COL6A3: variants seen among roughly 807,000 people sequenced by gnomAD.
COL6A3 encodes the protein collagen alpha-3(VI) chain.
In COL6A3, 137 loss-of-function variants were observed where a neutral mutation model predicts 274.1. The observed-to-expected ratio is 0.50, with a 90% CI of 0.44 to 0.58. The LOEUF (loss-of-function observed/expected upper bound fraction) is 0.58, where lower values mean the gene tolerates loss of function less well. Among genes scored for constraint, COL6A3 ranks in the 20% least tolerant of loss-of-function variants. COL6A3 has a pLI of 0.00. For missense variants in COL6A3, 3,950 were observed against 4,124.9 expected, an observed-to-expected ratio of 0.96 and a Z score of 1.16; for synonymous variants, 1,650 against 1,650.6, an observed-to-expected ratio of 1.00 and a Z score of 0.01.
In COL6A3 at chr2:237,384,945, C is replaced by A. The variant is rs140734589; in HGVS notation, c.1312+2637G>T. ...CCAGCTACACTGCCTTCTGACAGTTCTGGGAAGGGACTAAGTGCCTTCTTG... is the reference window on the plus strand; with the variant it reads ...CCAGCTACACTGCCTTCTGACAGTTATGGGAAGGGACTAAGTGCCTTCTTG... On this transcript the variant is annotated intron_variant, in intron 4 of 43. Transcript: ENST00000295550. Among the ~76,000 whole-genome samples the A allele has an allele frequency of 1.2e-4, 19 of 152,262 alleles. 1 individual carries two copies. In the East Asian group the frequency reaches 3.7e-3, roughly 29 times the overall value.
chr2:237,367,990 A>G (rs1004221700), intron 10 of COL6A3, among the ~76,000 whole-genome samples: 1 of 152,210 alleles, frequency 6.6e-6, no homozygotes, highest in African/African-American at 2.4e-5. Context: ...TGAAGAACCA[A>G]CCCTAATGGT....
intron 2 of COL6A3, among the ~76,000 whole-genome samples, chr2:237,395,476 A>T (rs2078415523): frequency 6.6e-6 from 1 of 152,194 alleles, no homozygotes; most frequent in Admixed American, 6.5e-5. Context: ...TTGGGGAAAC[A>T]ATTTCCTGGG....
chr2:237,361,944 T>C lies in COL6A3; in HGVS notation c.6064-113A>G. 4.3e-6 allele frequency: 4 copies of C among 921,438 alleles called. No individual in the cohort carries two copies. Among genetic ancestry groups the C allele is most frequent in the South Asian group, 1.4e-5 (1 of 73,734 alleles). The allele number at this position is 921,438 out of a possible 1,614,324, so 57.1% of individuals were successfully genotyped here. A position where few individuals can be genotyped will look rare whatever the true frequency, so the allele number is the denominator to read the frequency against. The stretch of plus-strand genomic sequence containing the variant: ...TGTGTGGGGGTTTCACGGTGTGAGA[T>C]GAAGTCCCTCCAGGTGACATTTGCT... On this transcript the variant is annotated intron_variant, in intron 14 of 43. Coordinates refer to ENST00000295550, the MANE Select transcript of COL6A3 (RefSeq NM_004369.4). This position sits in a 1 kb window ranked among gnomAD's most constrained non-coding sequence, Gnocchi z 5.1.
At position 237,352,535 on chromosome 2, in the gene COL6A3, A is replaced by T. The variant is rs1368664303; in HGVS notation, c.6740T>A (p.Ile2247Asn). ...GPPGLIGEQG[I>N]SGPRGSGGAA... ...GGACAGGCTTACCCGAGGTCCAGAAATGCCTTGTTCTCCTATCAGCCCTGG... is the reference window on the plus strand; with the variant it reads ...GGACAGGCTTACCCGAGGTCCAGAATTGCCTTGTTCTCCTATCAGCCCTGG... The change falls in exon 26 of 44, where the codon ATT becomes AAT. Residue 2247 changes from isoleucine to asparagine, a missense_variant. Coordinates refer to ENST00000295550, the MANE Select transcript of COL6A3 (RefSeq NM_004369.4). 1 of 1,613,038 alleles carries T rather than the reference A, an allele frequency of 6.2e-7. No individual in the cohort carries two copies. The highest frequency in any genetic ancestry group is 8.5e-7 in the Non-Finnish European group (1 of 1,179,644).
At chr2:237,388,325 T>C in intron 3 of COL6A3, 141 bp from the exon 4 acceptor site, 2 of 1,014,346 alleles carry the variant, frequency 2.0e-6, no homozygotes, top group Non-Finnish European at 2.9e-6. Flanking sequence ...GATGAAGGAA[T>C]GTGAAATTCT....
intron 4 of COL6A3, among the ~76,000 whole-genome samples, chr2:237,382,781 ATATTTT>A (rs560254000): frequency 3.5e-4 from 53 of 152,272 alleles, no homozygotes; most frequent in African/African-American, 1.1e-3. Context: ...CTTCTAGAAC[ATATTTT>A]TATTTTTATT....
Position 237,324,603 on chromosome 2 carries a change from G to C in COL6A3, c.*171C>G. ...AGAGCGAGGGTCCACAGACACATTA[G>C]CACCATACTGATAGGTCATGCAGCA... On this transcript the variant is annotated 3_prime_UTR_variant, in exon 44 of 44. Transcript: ENST00000295550. The C allele has an allele frequency of 3.0e-6, 2 of 672,332 alleles. No homozygotes were observed. The highest frequency in any genetic ancestry group is 5.4e-6 in the Non-Finnish European group (2 of 371,444). 41.6% of individuals were successfully genotyped at this position (672,332 alleles called of 1,614,324 possible). A position where few individuals can be genotyped will look rare whatever the true frequency, so the allele number is the denominator to read the frequency against.
At chr2:237,325,446 T>A (rs185039532) in intron 43 of COL6A3, 114 bp downstream of exon 43, 28 of 1,189,908 alleles carry the variant, frequency 2.4e-5, no homozygotes, top group Non-Finnish European at 3.2e-5. Flanking sequence ...GGATACACTT[T>A]ATCTTCTTTT....
chr2:237,409,589 A>G (rs1015400065), intron 1 of COL6A3, among the ~76,000 whole-genome samples: 5 of 152,152 alleles, frequency 3.3e-5, no homozygotes, highest in Admixed American at 3.3e-4. Context: ...TCTCCCTCAG[A>G]GTCTTAATGC....
At chr2:237,358,893 T>C (rs540338817) in intron 20 of COL6A3, 142 bp downstream of exon 20, 13 of 873,518 alleles carry the variant, frequency 1.5e-5, no homozygotes, top group East Asian at 1.4e-4. Flanking sequence ...AGAGGGGATG[T>C]AATGGGTGCA....
Position 237,345,213 on chromosome 2 carries a change from C to A in COL6A3, c.7093G>T (p.Gly2365Cys). 6.2e-7 allele frequency: 1 copy of A among 1,613,988 alleles called. No homozygotes were observed. The highest frequency in any genetic ancestry group is 8.5e-7 in the Non-Finnish European group (1 of 1,179,966). Residue 2365 changes from glycine (G) to cysteine (C), a missense_variant and splice_region_variant, in exon 33 of 44, where the codon GGT (glycine) becomes TGT (cysteine). By Grantham distance (159) the Gly-to-Cys change is radical. Coordinates refer to ENST00000295550, the MANE Select transcript of COL6A3 (RefSeq NM_004369.4). ...GAGTCGCCCCTGTTGCCCTTGGGAC[C>A]CTGTAAAACCAAGGAACGAAAGGTG... The part of the protein sequence containing the change: ...KGDPGYPGPA[G>C]PKGNRGDSID...
At position 237,368,593 on chromosome 2, in the gene COL6A3, C is replaced by G. The variant is rs772012726; in HGVS notation, c.4870G>C (p.Gly1624Arg). The G allele has an allele frequency of 6.2e-7, 1 of 1,614,136 alleles. No individual in the cohort carries two copies. Among genetic ancestry groups the G allele is most frequent in the Non-Finnish European group, 8.5e-7 (1 of 1,180,016 alleles). The change falls in exon 10 of 44, where the codon GGG becomes CGG. Residue 1624 changes from glycine (G) to arginine (R), a missense_variant. This residue lies in a region of COL6A3 where 632 missense variants were observed against 623.4 expected (regional missense o/e 1.01). Transcript: ENST00000295550. The surrounding 1 kb of genome is among the most constrained non-coding windows in gnomAD (Gnocchi z 4.4). ...CGTGAAGGAGGAGGGGTGTCCACCC[C>G]TGGAGGTGCAGGAGTGGCTGCGGAG... The part of the protein sequence containing the change: ...GPSAATPAPP[G>R]VDTPPPSRPE...
intron 20 of COL6A3, 91 bp downstream of exon 20, chr2:237,358,944 G>C (rs59437067): frequency 8.3e-6 from 12 of 1,443,762 alleles, no homozygotes; most frequent in Admixed American, 1.7e-5. Context: ...GAGGAAGCGG[G>C]CTTGATGTAT....
At chr2:237,399,016 G>A (rs1018045722) in intron 1 of COL6A3, among the ~76,000 whole-genome samples, 1 of 152,056 alleles carries the variant, frequency 6.6e-6, no homozygotes, top group Non-Finnish European at 1.5e-5. Context: ...ATGCTTACAG[G>A]AAAAAATGGG....
At chr2:237,341,538 C>A (rs548028686) in intron 37 of COL6A3, among the ~76,000 whole-genome samples, 1 of 99,572 alleles carries the variant, frequency 1.0e-5, no homozygotes, top group Non-Finnish European at 1.8e-5. Flanking sequence ...GAGCAAGACT[C>A]TGTCTAAAAA....
chr2:237,367,813 C>T (rs1450113151), intron 10 of COL6A3, among the ~76,000 whole-genome samples: 1 of 152,152 alleles, frequency 6.6e-6, no homozygotes, highest in African/African-American at 2.4e-5. Flanking sequence ...TTTGTAGGAG[C>T]TGGCTGAATA....
Position 237,350,148 on chromosome 2 carries a change from G to T in COL6A3, c.6878C>A (p.Thr2293Lys), listed in dbSNP as rs759657526. The T allele has an allele frequency of 1.9e-6, 3 of 1,613,880 alleles. No homozygotes were observed. Among genetic ancestry groups the T allele is most frequent in the Non-Finnish European group, 1.7e-6 (2 of 1,179,922 alleles). The change falls in exon 28 of 44, where the codon ACG becomes AAG. Residue 2293 changes from threonine to lysine, a missense_variant and splice_region_variant. By Grantham distance (78) the Thr-to-Lys change is moderately conservative. Coordinates refer to ENST00000295550, the MANE Select transcript of COL6A3 (RefSeq NM_004369.4). ...ACCCCAAGCGCGCTGTGACCTTACC[G>T]TCTCCCCACGAGGGCCCCGGTTCCC... Reference protein sequence around the residue: ...GIGNRGPRGETGDDGRDGVGS... With the variant: ...GIGNRGPRGEKGDDGRDGVGS...
In COL6A3 at chr2:237,374,394, A is replaced by G; in HGVS notation, c.3679+18T>C. ...AGACAATGACACTGAGTGAGGATGC[A>G]AAGAGTTCCCTGCGTACCTGGGCTC... On this transcript the variant is annotated intron_variant, in intron 8 of 43. Transcript: ENST00000295550. The surrounding 1 kb of genome is among the most constrained non-coding windows in gnomAD (Gnocchi z 4.8). 6.2e-7 allele frequency: 1 copy of G among 1,609,790 alleles called. No individual in the cohort carries two copies. Among genetic ancestry groups the G allele is most frequent in the South Asian group, 1.1e-5 (1 of 90,912 alleles).
In COL6A3 at chr2:237,380,987, G is replaced by C. The variant is rs755382829; in HGVS notation, c.1825C>G (p.Arg609Gly). 1.9e-6 allele frequency: 3 copies of C among 1,614,192 alleles called. No homozygotes were observed. In the South Asian group the frequency reaches 3.3e-5, roughly 18 times the overall value. ...SSLVFIPAEF[R>G]AAPLQGMLPG... ...AGCATGCCTTGCAATGGGGCGGCTC[G>C]GAACTCAGCTGGGATGAACACCAGG... Residue 609 changes from arginine to glycine, a missense_variant, in exon 5 of 44, where the codon CGA (arginine) becomes GGA (glycine). By Grantham distance (125) the Arg-to-Gly change is moderately radical (BLOSUM62 -2). This residue lies in a region of COL6A3 where 1,934 missense variants were observed against 1,984.3 expected (regional missense o/e 0.97). Transcript: ENST00000295550.
Sources: allele counts gnomAD v4.1 joint callset (sites outside exome capture counted in the v4.1 genomes callset), GRCh38; gene constraint gnomAD v4.1.1; regional missense constraint gnomAD v4.1.1; non-coding constraint Gnocchi (gnomAD v3.1); transcripts MANE v1.5; gene names NCBI Gene and HGNC (gene_info 2026-07-23, HGNC 2026-07-21).